The following ZBBX variants were observed in gnomAD, a reference collection of about 807,000 sequenced individuals.
ZBBX encodes the protein zinc finger B-box domain containing.
Under a neutral mutation model 108.5 loss-of-function variants are expected in ZBBX, and 101 were observed. The ratio of observed to expected loss-of-function variants is 0.93; its 90% CI spans 0.79 to 1.10. The LOEUF is 1.10. Ranked by LOEUF, ZBBX falls within the 50% of genes least tolerant of loss-of-function variation. ZBBX has a pLI of 0.00. For missense variants in ZBBX, 1,009 were observed against 941.4 expected (o/e 1.07, Z -0.94); for synonymous variants, 356 against 323.4 (o/e 1.10, Z -1.08).
rs111694652 is a variant in ZBBX at position 167,285,336 on chromosome 3, G to A, written c.1997-2841C>T. Among the ~76,000 whole-genome samples, 10 of 152,144 alleles carry A rather than the reference G, an allele frequency of 6.6e-5. 1 individual carries two copies. The highest frequency in any genetic ancestry group is 1.0e-4 in the Non-Finnish European group (7 of 67,962). The stretch of plus-strand genomic sequence containing the variant: ...CTATAGCAACATAATTTTAGGTAGC[G>A]TTTTAATAACAAATAATATTCTTAT... On this transcript the variant is annotated intron_variant, in intron 19 of 21. Coordinates refer to ENST00000675490, the MANE Select transcript of ZBBX (RefSeq NM_001199201.2).
intron 15 of ZBBX, among the ~76,000 whole-genome samples, chr3:167,314,915 G>C (rs1385326224): frequency 6.6e-6 from 1 of 152,122 alleles, no homozygotes; most frequent in Non-Finnish European, 1.5e-5. Context: ...AGATAGAGTG[G>C]TGCATATAAA....
At chr3:167,347,029 A>G (rs1741593647) in intron 9 of ZBBX, among the ~76,000 whole-genome samples, 1 of 151,890 alleles carries the variant, frequency 6.6e-6, no homozygotes, top group African/African-American at 2.4e-5. Context: ...ATATATCATC[A>G]TAAACACTAT....
chr3:167,283,173 G>C (rs986709841), intron 19 of ZBBX, among the ~76,000 whole-genome samples: 2 of 152,056 alleles, frequency 1.3e-5, no homozygotes, highest in Non-Finnish European at 2.9e-5. Flanking sequence ...GTCTTCACCT[G>C]TTTTGAAAGT....
chr3:167,389,457 A>T (rs534223263), intron 1 of ZBBX, among the ~76,000 whole-genome samples: 29 of 152,230 alleles, frequency 1.9e-4, no homozygotes, highest in Non-Finnish European at 3.2e-4. Flanking sequence ...ATGTGTCTTT[A>T]TAGTAGAATG....
rs1462941161 is a variant in ZBBX, at chr3:167,305,739, C to T, written c.1629G>A (p.Glu543=). 8.1e-6 allele frequency: 13 copies of T among 1,612,366 alleles called. No individual in the cohort carries two copies. The highest frequency in any genetic ancestry group is 1.1e-5 in the Non-Finnish European group (13 of 1,179,322). The stretch of plus-strand genomic sequence containing the variant: ...CTTTGATGTCTTGAGATAATTTCTC[C>T]TCAATGGGAGCTTTTTCTAAATCTC... ...LGRDLEKAPI[E]EKLSQDIKES... The change falls in exon 17 of 22, where the codon GAG becomes GAA. Residue 543 remains glutamate, a synonymous_variant. Coordinates refer to ENST00000675490, the MANE Select transcript of ZBBX (RefSeq NM_001199201.2).
intron 20 of ZBBX, among the ~76,000 whole-genome samples, chr3:167,257,650 T>C (rs1485874648): frequency 1.3e-5 from 2 of 152,114 alleles, no homozygotes; most frequent in Non-Finnish European, 2.9e-5. Context: ...CATATGGTTA[T>C]TGTCCTTTAT....
chr3:167,359,899 C>T lies in ZBBX; in HGVS notation c.403G>A (p.Gly135Arg). Reference protein sequence around the residue: ...EKPKINGKVCGQCENKAALLV... With the variant: ...EKPKINGKVCRQCENKAALLV... Reference sequence around the variant, plus strand: ...AGAGCAGCTTTGTTCTCACACTGTCCACATACTTTCCCATTTATCTTGGGT... The same window carrying T: ...AGAGCAGCTTTGTTCTCACACTGTCTACATACTTTCCCATTTATCTTGGGT... The change falls in exon 8 of 22, where the codon GGA (glycine) becomes AGA (arginine). Residue 135 changes from glycine (G) to arginine (R), a missense_variant. Transcript: ENST00000675490. 6.4e-7 allele frequency: 1 copy of T among 1,562,870 alleles called. No individual in the cohort carries two copies. The highest frequency in any genetic ancestry group is 8.7e-7 in the Non-Finnish European group (1 of 1,149,636).
intron 6 of ZBBX, 55 bp from the exon 7 acceptor site, chr3:167,360,778 A>G: frequency 8.7e-7 from 1 of 1,147,366 alleles, no homozygotes; most frequent in Non-Finnish European, 1.2e-6. Context: ...TATTCAACGA[A>G]AGTTGCCAAC....
chr3:167,187,581 A>G, the ZBBX span, among the ~76,000 whole-genome samples: 1 of 152,200 alleles, frequency 6.6e-6, no homozygotes, highest in African/African-American at 2.4e-5. Context: ...TGTCACACTA[A>G]ATTCCCTTGT....
chr3:167,236,336 C>T (rs1720230105), downstream of ZBBX, among the ~76,000 whole-genome samples: 2 of 151,602 alleles, frequency 1.3e-5, no homozygotes, highest in African/African-American at 4.8e-5. Flanking sequence ...CAACTTGCAC[C>T]TAAATTCATT....
chr3:167,289,011 T>C, intron 18 of ZBBX, 28 bp from the exon 19 acceptor site: 7 of 1,477,748 alleles, frequency 4.7e-6, no homozygotes, highest in Non-Finnish European at 6.4e-6. Flanking sequence ...TAAGATAACA[T>C]AAAGTTTGAA....
Position 167,362,577 on chromosome 3 carries a change from G to A in ZBBX, c.274-1854C>T, listed in dbSNP as rs142881242. Reference sequence around the variant, plus strand: ...CCTTCCAAGCCCCCACTGCCATTCCGTGGATCTTCTATTAAATAGTCATTT... The same window carrying A: ...CCTTCCAAGCCCCCACTGCCATTCCATGGATCTTCTATTAAATAGTCATTT... On this transcript the variant is annotated intron_variant, in intron 6 of 21. Coordinates refer to ENST00000675490, the MANE Select transcript of ZBBX (RefSeq NM_001199201.2). Among the ~76,000 whole-genome samples, 8 of 152,076 alleles carry A rather than the reference G, an allele frequency of 5.3e-5. No individual in the cohort carries two copies. In the East Asian group the frequency reaches 5.8e-4, roughly 11 times the overall value.
intron 17 of ZBBX, among the ~76,000 whole-genome samples, chr3:167,301,954 TAAAAAAAAA>T: frequency 1.1e-5 from 1 of 92,144 alleles, no homozygotes; most frequent in South Asian, 4.6e-4. Flanking sequence ...AAGACTCCGT[TAAAAAAAAA>T]AAAAAAAAAA....
chr3:167,206,936 C>A, the ZBBX span, among the ~76,000 whole-genome samples: 1 of 152,012 alleles, frequency 6.6e-6, no homozygotes, highest in African/African-American at 2.4e-5. Flanking sequence ...TATCCACATA[C>A]AAAAGAATGA....
intron 20 of ZBBX, among the ~76,000 whole-genome samples, chr3:167,279,685 T>C (rs1277825415): frequency 1.3e-5 from 2 of 151,946 alleles, no homozygotes; most frequent in Non-Finnish European, 2.9e-5. Context: ...AGGTAATTTA[T>C]AGATTCAATG....
At chr3:167,355,677 A>G (rs375141194) in intron 8 of ZBBX, among the ~76,000 whole-genome samples, 2 of 152,140 alleles carry the variant, frequency 1.3e-5, no homozygotes, top group Non-Finnish European at 2.9e-5. Context: ...AGAACACAAG[A>G]TAACATCAGA....
intron 20 of ZBBX, among the ~76,000 whole-genome samples, chr3:167,260,672 G>A (rs1258103123): frequency 1.3e-5 from 2 of 152,132 alleles, no homozygotes; most frequent in Non-Finnish European, 2.9e-5. Context: ...AAAGTTTTCT[G>A]AGTTTTTTAT....
intron 1 of ZBBX, among the ~76,000 whole-genome samples, chr3:167,402,371 G>A (rs1386404437): frequency 6.6e-6 from 1 of 152,120 alleles, no homozygotes; most frequent in African/African-American, 2.4e-5. Context: ...GTTAACAAGA[G>A]GGAAGCTTCA....
chr3:167,317,389 A>T (rs1735641366), intron 13 of ZBBX, 99 bp downstream of exon 13: 5 of 858,236 alleles, frequency 5.8e-6, no homozygotes, highest in East Asian at 5.4e-5. Context: ...AACTGAGAAT[A>T]ATATATTAAA....
Sources: gnomAD v4.1 joint callset for allele counts (sites outside exome capture counted in the v4.1 genomes callset) on GRCh38, gnomAD v4.1.1 for gene constraint, MANE v1.5 for transcripts, NCBI Gene and HGNC (gene_info 2026-07-23, HGNC 2026-07-21) for gene names.